DMD: variants seen among roughly 807,000 people sequenced by gnomAD.
DMD encodes the protein mutant dystrophin.
A neutral mutation model predicts 330.1 loss-of-function variants in DMD; 63 were observed. That is an observed-to-expected ratio of 0.19 (90% CI 0.16 to 0.24). The LOEUF is 0.24. DMD is among the 10% of genes least tolerant of loss of function. The pLI is 1.00. For missense variants in DMD, 3,344 were observed against 2,684.1 expected (o/e 1.25, Z -5.43); for synonymous variants, 1,223 against 959.8 (o/e 1.27, Z -5.07).
intron 51 of DMD, among the ~76,000 whole-genome samples, chrX:31,749,865 G>C (rs1306732671): frequency 6.9e-4 from 73 of 105,772 alleles, no homozygotes; most frequent in African/African-American, 2.5e-3. Flanking sequence ...ATCTCATTGT[G>C]GTTTTGATTT....
At chrX:31,613,241 T>C (rs972764044) in intron 55 of DMD, among the ~76,000 whole-genome samples, 2 of 111,989 alleles carry the variant, frequency 1.8e-5, no homozygotes, top group African/African-American at 3.2e-5. Context: ...GATTGACAAA[T>C]AGAATATGGG....
At chrX:32,780,258 C>T (rs1474785584) in intron 7 of DMD, among the ~76,000 whole-genome samples, 2 of 111,971 alleles carry the variant, frequency 1.8e-5, no homozygotes, top group Non-Finnish European at 3.8e-5. Flanking sequence ...ACTTTTGTAC[C>T]ATACATGGAA....
chrX:32,779,960 A>G (rs771823482), intron 7 of DMD, among the ~76,000 whole-genome samples: 1 of 112,096 alleles, frequency 8.9e-6, no homozygotes, highest in South Asian at 3.7e-4. Context: ...TTATACTTTA[A>G]TTATGTGGTC....
intron 7 of DMD, among the ~76,000 whole-genome samples, chrX:32,730,205 G>A (rs2067398197): frequency 8.9e-6 from 1 of 112,092 alleles, no homozygotes; most frequent in Non-Finnish European, 1.9e-5. Context: ...ATGTACCTCT[G>A]CATTGTGTTG....
chrX:31,410,479 T>G (rs895330853), intron 60 of DMD, among the ~76,000 whole-genome samples: 3 of 111,582 alleles, frequency 2.7e-5, no homozygotes, highest in African/African-American at 9.8e-5. Flanking sequence ...CATTTCACAA[T>G]GTAGAAGTTT....
intron 43 of DMD, among the ~76,000 whole-genome samples, chrX:32,250,212 G>C (rs2097258158): frequency 9.0e-6 from 1 of 110,546 alleles, no homozygotes; most frequent in Non-Finnish European, 1.9e-5. Context: ...TATCTCAGTG[G>C]GAGTATTGGA....
chrX:32,885,373 C>T, intron 2 of DMD, among the ~76,000 whole-genome samples: 1 of 111,391 alleles, frequency 9.0e-6, no homozygotes, highest in Non-Finnish European at 1.9e-5. Context: ...TATGACTTTG[C>T]ATCTTGGAAC....
chrX:31,669,591 C>A (rs1246526130), intron 53 of DMD, among the ~76,000 whole-genome samples: 2 of 111,557 alleles, frequency 1.8e-5, no homozygotes, highest in Non-Finnish European at 3.8e-5. Flanking sequence ...ATTGAATTCT[C>A]TTGGTACCCT....
At chrX:31,153,208 C>T (rs1443754542) in intron 74 of DMD, among the ~76,000 whole-genome samples, 1 of 111,772 alleles carries the variant, frequency 8.9e-6, no homozygotes, top group Admixed American at 9.5e-5. Flanking sequence ...GCTCTCTTTC[C>T]CAACTGCGAA....
intron 52 of DMD, among the ~76,000 whole-genome samples, chrX:31,688,859 C>A (rs1186811526): frequency 9.9e-5 from 11 of 110,882 alleles, no homozygotes; most frequent in Non-Finnish European, 1.7e-4. Context: ...ACAGAACCAA[C>A]GACAAAAACC....
At chrX:31,966,451 T>C (rs1461878367) in intron 45 of DMD, among the ~76,000 whole-genome samples, 1 of 110,371 alleles carries the variant, frequency 9.1e-6, no homozygotes. Flanking sequence ...AATTTAAATA[T>C]GTTAACATTT....
intron 44 of DMD, among the ~76,000 whole-genome samples, chrX:31,984,550 T>C (rs2095497336): frequency 8.9e-6 from 1 of 112,296 alleles, no homozygotes; most frequent in South Asian, 3.7e-4. Context: ...TTGTTTGTTG[T>C]CCAAACAAAT....
At chrX:33,191,841 C>A (rs997999718) in intron 1 of DMD, among the ~76,000 whole-genome samples, 1 of 111,771 alleles carries the variant, frequency 8.9e-6, no homozygotes, top group African/African-American at 3.3e-5. Flanking sequence ...CCATTCATAC[C>A]CAAACCCAAA....
At chrX:32,699,446 A>G (rs1480829358) in intron 7 of DMD, among the ~76,000 whole-genome samples, 153 bp from the exon 8 acceptor site, 1 of 111,949 alleles carries the variant, frequency 8.9e-6, no homozygotes, top group Non-Finnish European at 1.9e-5. Context: ...GAACATGAGA[A>G]TGAGGCCTAA....
At chrX:31,937,632 T>G (rs2094940746) in intron 45 of DMD, among the ~76,000 whole-genome samples, 1 of 112,143 alleles carries the variant, frequency 8.9e-6, no homozygotes, top group Admixed American at 9.5e-5. Context: ...TTTTAAAAGC[T>G]GCAATTTGAA....
chrX:32,005,733 C>G (rs1262412334), intron 44 of DMD, among the ~76,000 whole-genome samples: 1 of 110,996 alleles, frequency 9.0e-6, no homozygotes, highest in Non-Finnish European at 1.9e-5. Flanking sequence ...AAACCAATAA[C>G]AGAGTACTTC....
chrX:32,388,969 AG>A (rs202089082), intron 32 of DMD, among the ~76,000 whole-genome samples: 1,301 of 111,419 alleles, frequency 0.012, 10 homozygotes, highest in South Asian at 0.071. Context: ...TGTTGTCTTG[AG>A]GCATTTCACT....
intron 36 of DMD, 39 bp downstream of exon 36, chrX:32,364,543 G>C: frequency 8.3e-7 from 1 of 1,200,306 alleles, no homozygotes; most frequent in Non-Finnish European, 1.1e-6. Flanking sequence ...AGTAACTGGT[G>C]TACAATTTGG....
intron 1 of DMD, among the ~76,000 whole-genome samples, chrX:33,209,887 A>G (rs1603418459): frequency 9.1e-6 from 1 of 110,098 alleles, no homozygotes; most frequent in East Asian, 2.8e-4. Context: ...TGCTCTATAT[A>G]CTTGTATATG....
Sources: allele counts gnomAD v4.1 joint callset (sites outside exome capture counted in the v4.1 genomes callset), GRCh38; gene constraint gnomAD v4.1.1; transcripts MANE v1.5; gene names NCBI Gene and HGNC (gene_info 2026-07-23, HGNC 2026-07-21).